CSNK2A1: variants seen among roughly 807,000 people sequenced by gnomAD.
The protein encoded by CSNK2A1 is casein kinase II subunit alpha.
CSNK2A1 carries 10 observed loss-of-function variants against 62.9 expected under a neutral mutation model. The ratio of observed to expected loss-of-function variants is 0.16; its 90% confidence interval spans 0.10 to 0.27. The LOEUF (loss-of-function observed/expected upper bound fraction) is 0.27, where lower values mean the gene tolerates loss of function less well. CSNK2A1 is among the 10% of genes least tolerant of loss of function. The pLI, the probability that CSNK2A1 is intolerant of heterozygous loss-of-function variation, is 1.00. For synonymous variants in CSNK2A1, 124 were observed against 167.8 expected (o/e 0.74, Z 2.02); for missense variants, 160 against 492.0 (o/e 0.33, Z 6.38).
chr20:519,019 T>C (rs1163196218), intron 2 of CSNK2A1, among the ~76,000 whole-genome samples: 1 of 146,586 alleles, frequency 6.8e-6, no homozygotes, highest in African/African-American at 2.5e-5. Context: ...CATTGCAACC[T>C]CTGCCTCCCA....
rs2017967467 is a variant in CSNK2A1, at chr20:482,179, G to C, written c.*1782C>G. On this transcript the variant is annotated 3_prime_UTR_variant, in exon 14 of 14. Coordinates refer to ENST00000217244, the MANE Select transcript of CSNK2A1 (RefSeq NM_177559.3). ...ACGTTTATCTATGATGCCTAGGCGAGAAAGGCCTGTGAATCTATAAGGTAG... is the reference window on the plus strand; with the variant it reads ...ACGTTTATCTATGATGCCTAGGCGACAAAGGCCTGTGAATCTATAAGGTAG... 1 of 152,184 alleles carries C rather than the reference G, an allele frequency of 6.6e-6. No homozygotes were observed. The highest frequency in any genetic ancestry group is 1.5e-5 in the Non-Finnish European group (1 of 68,048). 9.4% of individuals were successfully genotyped at this position (152,184 alleles called of 1,614,324 possible).
At chr20:493,943 A>C (rs1381935925) in intron 8 of CSNK2A1, among the ~76,000 whole-genome samples, 1 of 152,148 alleles carries the variant, frequency 6.6e-6, no homozygotes, top group African/African-American at 2.4e-5. Flanking sequence ...ATTGCTGAGA[A>C]ATACTACTTC....
chr20:508,877 G>T lies in CSNK2A1; in HGVS notation c.-109-217C>A, dbSNP rs73569083. ...CTGATATTTGCTTTAATCATATTTT[G>T]CCAAATATCCTGTTACCTCTGCAGG... On this transcript the variant is annotated intron_variant, in intron 2 of 13. Transcript: ENST00000217244. Among the ~76,000 whole-genome samples, 827 of 152,162 alleles carry T rather than the reference G, an allele frequency of 5.4e-3. 13 individuals are homozygous for T. Among genetic ancestry groups the T allele is most frequent in the African/African-American group, 0.019 (798 of 41,502 alleles).
At position 499,068 on chromosome 20, in the gene CSNK2A1, G is replaced by T; in HGVS notation, c.366+187C>A. On this transcript the variant is annotated intron_variant, in intron 6 of 13. Coordinates refer to ENST00000217244, the MANE Select transcript of CSNK2A1 (RefSeq NM_177559.3). This position sits in a 1 kb window ranked among gnomAD's most constrained non-coding sequence, Gnocchi z 4.2. ...CATTAAAAAGAACATTAAACAAATGGGCAAAATATCAAGATGCAGAAAGTG... is the reference window on the plus strand; with the variant it reads ...CATTAAAAAGAACATTAAACAAATGTGCAAAATATCAAGATGCAGAAAGTG... 2.6e-6 allele frequency: 1 copy of T among 377,850 alleles called. No individual in the cohort carries two copies. The highest frequency in any genetic ancestry group is 4.2e-5 in the East Asian group (1 of 23,686). The allele number at this position is 377,850 out of a possible 1,614,324, so 23.4% of individuals were successfully genotyped here.
chr20:522,451 C>A (rs1294899655), intron 2 of CSNK2A1, among the ~76,000 whole-genome samples: 1 of 152,156 alleles, frequency 6.6e-6, no homozygotes, highest in Non-Finnish European at 1.5e-5. Flanking sequence ...AAACATCAAA[C>A]CTGTATTGAA....
rs2018377346 is a variant in CSNK2A1, at chr20:497,853, T to C, written c.367-73A>G. ...CATTTTTCACCCTCACTCACAGTAA[T>C]TCAAACCAAGACTTGGCTCATTTAC... On this transcript the variant is annotated intron_variant, in intron 6 of 13. Coordinates refer to ENST00000217244, the MANE Select transcript of CSNK2A1 (RefSeq NM_177559.3). The C allele has an allele frequency of 3.3e-5, 45 of 1,381,058 alleles. 1 individual carries two copies. The South Asian group carries it at 5.0e-4, about 15-fold the overall frequency. The allele number at this position is 1,381,058 out of a possible 1,614,324, so 85.6% of individuals were successfully genotyped here.
intron 3 of CSNK2A1, chr20:506,586 A>G (rs2018607069): frequency 6.6e-6 from 1 of 152,140 alleles, no homozygotes; most frequent in Non-Finnish European, 1.5e-5. Flanking sequence ...CAGTTCCAAT[A>G]AGGCCTAAAT....
At chr20:497,247 C>T (rs1243923719) in intron 7 of CSNK2A1, among the ~76,000 whole-genome samples, 1 of 152,128 alleles carries the variant, frequency 6.6e-6, no homozygotes, top group African/African-American at 2.4e-5. Context: ...CCTCAAATTC[C>T]TGAGATCCTC....
rs61288887 is a variant in CSNK2A1 at position 511,703 on chromosome 20, T to TACACAC, written c.-109-3049_-109-3044dup. 1.1e-4 allele frequency among the ~76,000 whole-genome samples: 17 copies of TACACAC among 151,032 alleles called. No homozygotes were observed. In the South Asian group the frequency reaches 1.3e-3, roughly 11 times the overall value. On this transcript the variant is annotated intron_variant, in intron 2 of 13. Transcript: ENST00000217244. ...AATGATATTGCACTGTGTATATATA[T>TACACAC]ACACACACACACACACACACACACA...
intron 2 of CSNK2A1, among the ~76,000 whole-genome samples, chr20:520,046 T>C (rs919598122): frequency 6.6e-6 from 1 of 151,998 alleles, no homozygotes; most frequent in Non-Finnish European, 1.5e-5. Flanking sequence ...TAGCATATAT[T>C]TCCAAACCAG....
At chr20:502,624 C>T (rs1055644516) in intron 4 of CSNK2A1, 3 of 152,122 alleles carry the variant, frequency 2.0e-5, no homozygotes, top group African/African-American at 7.2e-5. Flanking sequence ...GTAAAATATA[C>T]AATACAGTTA....
At position 476,502 on chromosome 20, in the gene CSNK2A1, C is replaced by T. The variant is rs1370595580; in HGVS notation, c.*7459G>A. On this transcript the variant is annotated 3_prime_UTR_variant, in exon 14 of 14. Coordinates refer to ENST00000217244, the MANE Select transcript of CSNK2A1 (RefSeq NM_177559.3). The stretch of plus-strand genomic sequence containing the variant: ...TTCAAACTCCTGACCTCAGGTGATC[C>T]ACTCGCCTTGGTCTCCCAAAGTGTT... 6.6e-6 allele frequency: 1 copy of T among 152,160 alleles called. No individual in the cohort carries two copies. The highest frequency in any genetic ancestry group is 1.5e-5 in the Non-Finnish European group (1 of 68,050). The allele number at this position is 152,160 out of a possible 1,614,324, so 9.4% of individuals were successfully genotyped here. A position where few individuals can be genotyped will look rare whatever the true frequency, so the allele number is the denominator to read the frequency against.
rs200625836 is a variant in CSNK2A1, at chr20:511,044, G to A, written c.-109-2384C>T. ...GCTTGTTGAAACACTTTTTTAAATT[G>A]TGGTAAAATATACATAACATAAACT... On this transcript the variant is annotated intron_variant, in intron 2 of 13. Coordinates refer to ENST00000217244, the MANE Select transcript of CSNK2A1 (RefSeq NM_177559.3). Among the ~76,000 whole-genome samples the A allele has an allele frequency of 2.6e-5, 4 of 151,970 alleles. No homozygotes were observed. In the East Asian group the frequency reaches 7.8e-4, roughly 29 times the overall value.
rs1159293368 is a variant in CSNK2A1, at chr20:505,177, CACTGTATTT to C, written c.145_153del (p.Lys49_Ser51del). On this transcript the variant is annotated inframe_deletion, in exon 4 of 14. Transcript: ENST00000217244. ...GTGATGTTGATGGCTTCAAATACTT[CACTGTATTT>C]ACCTCGGCCTAATTTTCGAACCAGC... 6.2e-7 allele frequency: 1 copy of C among 1,613,776 alleles called. No individual in the cohort carries two copies. Among genetic ancestry groups the C allele is most frequent in the East Asian group, 2.2e-5 (1 of 44,848 alleles).
At chr20:517,379 G>GAA (rs1448410756) in intron 2 of CSNK2A1, among the ~76,000 whole-genome samples, 1 of 152,228 alleles carries the variant, frequency 6.6e-6, no homozygotes, top group Non-Finnish European at 1.5e-5. Context: ...TATGTACCAG[G>GAA]AAATGTGTGC....
At chr20:489,459 A>C in intron 10 of CSNK2A1, 1 of 375,690 alleles carries the variant, frequency 2.7e-6, no homozygotes, top group East Asian at 3.8e-5. Flanking sequence ...AGGATCACAG[A>C]AATACCACAT....
At chr20:526,444 C>CA (rs2019091695) in intron 2 of CSNK2A1, among the ~76,000 whole-genome samples, 1 of 151,750 alleles carries the variant, frequency 6.6e-6, no homozygotes, top group African/African-American at 2.4e-5. Flanking sequence ...GACTCCATCT[C>CA]AAAAAAATTG....
In CSNK2A1 at chr20:503,953, G is replaced by A. The variant is rs539116466; in HGVS notation, c.213+1165C>T. ...AGCACTTTGGGAGGCCGAGGCGGGC[G>A]GATCACCTGAGGTCAGGAGTTTGAG... is the stretch of plus-strand genomic sequence containing the variant. On this transcript the variant is annotated intron_variant, in intron 4 of 13. Transcript: ENST00000217244. Among the ~76,000 whole-genome samples, 441 of 151,450 alleles carry A rather than the reference G, an allele frequency of 2.9e-3. 3 individuals are homozygous for A. Among genetic ancestry groups the A allele is most frequent in the African/African-American group, 0.01 (422 of 41,382 alleles).
chr20:474,110 G>A lies in CSNK2A1; in HGVS notation c.*9851C>T, dbSNP rs549417324. The A allele has an allele frequency of 1.3e-5, 2 of 152,300 alleles. No homozygotes were observed. Among genetic ancestry groups the A allele is most frequent in the South Asian group, 4.1e-4 (2 of 4,824 alleles). 9.4% of individuals were successfully genotyped at this position (152,300 alleles called of 1,614,324 possible). On this transcript the variant is annotated 3_prime_UTR_variant, in exon 14 of 14. Coordinates refer to ENST00000217244, the MANE Select transcript of CSNK2A1 (RefSeq NM_177559.3). ...CACTCTGTCAGCCAGGTCTCACTGA[G>A]AGCAATGTGATCATAGCTCACTGCA...
Sources: allele counts gnomAD v4.1 joint callset (sites outside exome capture counted in the v4.1 genomes callset), GRCh38; gene constraint gnomAD v4.1.1; non-coding constraint Gnocchi (gnomAD v3.1); transcripts MANE v1.5; gene names NCBI Gene and HGNC (gene_info 2026-07-23, HGNC 2026-07-21).